The following FRMD4B variants were observed in gnomAD, a reference collection of about 807,000 sequenced individuals.
FRMD4B encodes FERM domain containing 4B, also known as FERM domain-containing protein 4B.
In FRMD4B, 74 loss-of-function variants were observed where a neutral mutation model predicts 141.5. That is an observed-to-expected ratio of 0.52 (90% CI 0.43 to 0.63). The LOEUF (loss-of-function observed/expected upper bound fraction) is 0.63, where lower values mean the gene tolerates loss of function less well. Among genes scored for constraint, FRMD4B ranks in the 30% least tolerant of loss-of-function variants. The probability of loss-of-function intolerance (pLI) is 0.00; values close to 1 mark genes in which losing one functional copy is unlikely to be tolerated. For synonymous variants in FRMD4B, 506 were observed against 467.9 expected (o/e 1.08, Z -1.05); for missense variants, 1,366 against 1,253.4 (o/e 1.09, Z -1.36).
chr3:69,187,798 C>T lies in FRMD4B; in HGVS notation c.1891G>A (p.Glu631Lys). Reference sequence around the variant, plus strand: ...GACTGCCTGGTATCCACAAACTGTTCATTGATGGACGACTTTCTGAAATGG... The same window carrying T: ...GACTGCCTGGTATCCACAAACTGTTTATTGATGGACGACTTTCTGAAATGG... Reference protein sequence around the residue: ...RIHFRKSSINEQFVDTRQSRE... With the variant: ...RIHFRKSSINKQFVDTRQSRE... The change falls in exon 19 of 23, where the codon GAA becomes AAA. Residue 631 changes from glutamate to lysine, a missense_variant. Transcript: ENST00000398540. 1 of 1,612,508 alleles carries T rather than the reference C, an allele frequency of 6.2e-7. No homozygotes were observed. Among genetic ancestry groups the T allele is most frequent in the Non-Finnish European group, 8.5e-7 (1 of 1,179,014 alleles).
chr3:69,508,791 A>C (rs1256545790), intron 1 of FRMD4B, among the ~76,000 whole-genome samples: 2 of 152,226 alleles, frequency 1.3e-5, no homozygotes, highest in East Asian at 3.9e-4. Context: ...TTCATCATAA[A>C]GTGCCATCAC....
intron 4 of FRMD4B, among the ~76,000 whole-genome samples, chr3:69,299,920 G>T (rs576019484): frequency 2.0e-5 from 3 of 152,290 alleles, no homozygotes; most frequent in African/African-American, 7.2e-5. Context: ...AATCTCAAAA[G>T]AGGTCCCCTG....
At chr3:69,450,860 A>G (rs944556455) in intron 1 of FRMD4B, among the ~76,000 whole-genome samples, 1 of 152,216 alleles carries the variant, frequency 6.6e-6, no homozygotes, top group African/African-American at 2.4e-5. Context: ...TTTGCCATGA[A>G]AAGTCATTTT....
At chr3:69,172,083 G>T (rs1381484529) in intron 22 of FRMD4B, 102 bp from the exon 23 acceptor site, 8 of 1,114,812 alleles carry the variant, frequency 7.2e-6, no homozygotes, top group Non-Finnish European at 1.1e-5. Context: ...GCACTGTTAA[G>T]AAAAATTTCC....
chr3:69,507,962 T>G (rs1706627484), intron 1 of FRMD4B, among the ~76,000 whole-genome samples: 1 of 152,228 alleles, frequency 6.6e-6, no homozygotes, highest in Admixed American at 6.5e-5. Context: ...CATATGGAAC[T>G]TAAGGCATGA....
At chr3:69,368,954 C>A (rs1357399062) in intron 1 of FRMD4B, among the ~76,000 whole-genome samples, 1 of 152,216 alleles carries the variant, frequency 6.6e-6, no homozygotes, top group African/African-American at 2.4e-5. Flanking sequence ...AGCCACAGGG[C>A]CCAGCTTGTT....
At chr3:69,314,138 CAAAAAAAAAAAAAAAAAAA>C (rs57956106) in intron 1 of FRMD4B, among the ~76,000 whole-genome samples, 22 of 13,172 alleles carry the variant, frequency 1.7e-3, no homozygotes, top group South Asian at 3.1e-3. Flanking sequence ...GACTCCGTCT[CAAAAAAAAAAAAAAAAAAA>C]AAAAAAAAAA....
intron 4 of FRMD4B, among the ~76,000 whole-genome samples, chr3:69,290,814 G>T (rs1700848269): frequency 6.6e-6 from 1 of 152,162 alleles, no homozygotes. Flanking sequence ...ACCTGGTGGG[G>T]CTAGGTCTTG....
At chr3:69,506,904 T>A (rs1420686967) in intron 1 of FRMD4B, among the ~76,000 whole-genome samples, 1 of 152,158 alleles carries the variant, frequency 6.6e-6, no homozygotes, top group Admixed American at 6.5e-5. Context: ...ACGATTTATT[T>A]TAATATAAAT....
intron 1 of FRMD4B, among the ~76,000 whole-genome samples, chr3:69,357,866 C>G (rs1687039865): frequency 6.6e-6 from 1 of 152,262 alleles, no homozygotes; most frequent in South Asian, 2.1e-4. Context: ...AAAATATTTC[C>G]TCATAACTTC....
chr3:69,269,741 T>A (rs2093585744), intron 5 of FRMD4B, among the ~76,000 whole-genome samples: 1 of 152,152 alleles, frequency 6.6e-6, no homozygotes, highest in African/African-American at 2.4e-5. Flanking sequence ...TGCCTCAGCC[T>A]CCCAAGTAGC....
Position 69,176,506 on chromosome 3 carries a change from C to T in FRMD4B, c.2984+18G>A, listed in dbSNP as rs763423582. 47 of 1,601,218 alleles carry T rather than the reference C, an allele frequency of 2.9e-5. No individual in the cohort carries two copies. The highest frequency in any genetic ancestry group is 3.3e-5 in the Non-Finnish European group (39 of 1,169,714). On this transcript the variant is annotated intron_variant, in intron 22 of 22. Coordinates refer to ENST00000398540, the MANE Select transcript of FRMD4B (RefSeq NM_015123.3). ...AACTGGAACAGGCTCCTAGGATTTT[C>T]GAGCATTGCTTCCTCACCTGCTTGG...
intron 1 of FRMD4B, among the ~76,000 whole-genome samples, chr3:69,337,444 A>C (rs1702594573): frequency 6.6e-6 from 1 of 152,268 alleles, no homozygotes; most frequent in African/African-American, 2.4e-5. Flanking sequence ...ACAAAAGCCA[A>C]AATTGACAAA....
At chr3:69,530,684 C>T (rs977507773) in intron 1 of FRMD4B, among the ~76,000 whole-genome samples, 8 of 152,164 alleles carry the variant, frequency 5.3e-5, no homozygotes, top group South Asian at 2.1e-4. Flanking sequence ...AGAATTGCCA[C>T]GCTTTCCTCT....
At chr3:69,386,877 G>A (rs1473640648), upstream of FRMD4B, among the ~76,000 whole-genome samples, 2 of 152,212 alleles carry the variant, frequency 1.3e-5, no homozygotes, top group East Asian at 3.8e-4. Context: ...CTGGGAAACA[G>A]AAGCCCATAA....
At chr3:69,356,597 A>T (rs1332561174) in intron 1 of FRMD4B, among the ~76,000 whole-genome samples, 4 of 149,432 alleles carry the variant, frequency 2.7e-5, no homozygotes, top group Admixed American at 6.7e-5. Flanking sequence ...ACACACACAC[A>T]TACATATATA....
intron 1 of FRMD4B, among the ~76,000 whole-genome samples, chr3:69,469,804 C>T (rs546210263): frequency 2.0e-5 from 3 of 152,200 alleles, no homozygotes; most frequent in Non-Finnish European, 2.9e-5. Context: ...AAGATACAAG[C>T]GAGACTTTGA....
intron 7 of FRMD4B, among the ~76,000 whole-genome samples, chr3:69,226,756 A>T (rs952076931): frequency 2.6e-5 from 4 of 152,206 alleles, no homozygotes; most frequent in Admixed American, 1.3e-4. Context: ...GTGTCATATG[A>T]TGGAACTGTT....
chr3:69,345,950 T>C (rs1702924594), intron 1 of FRMD4B, among the ~76,000 whole-genome samples: 1 of 152,116 alleles, frequency 6.6e-6, no homozygotes, highest in South Asian at 2.1e-4. Flanking sequence ...GGAACGCAGC[T>C]ACTTGCCAGC....
Sources: allele counts gnomAD v4.1 joint callset (sites outside exome capture counted in the v4.1 genomes callset), GRCh38; gene constraint gnomAD v4.1.1; transcripts MANE v1.5; gene names NCBI Gene and HGNC (gene_info 2026-07-23, HGNC 2026-07-21).